UBE2E2: variants seen among roughly 807,000 people sequenced by gnomAD.
The protein encoded by UBE2E2 is ubiquitin-conjugating enzyme E2 E2.
A neutral mutation model predicts 24.7 loss-of-function variants in UBE2E2; 6 were observed. That is an observed-to-expected ratio of 0.24 (90% confidence interval 0.13 to 0.48). The LOEUF is 0.48. Ranked by LOEUF, UBE2E2 falls within the 20% of genes least tolerant of loss-of-function variation. The pLI is 0.99. For synonymous variants in UBE2E2, 104 were observed against 83.6 expected, an observed-to-expected ratio of 1.24 and a Z score of -1.33; for missense variants, 169 against 245.0, an observed-to-expected ratio of 0.69 and a Z score of 2.07.
intron 3 of UBE2E2, chr3:23,323,574 G>A (rs1320536567): frequency 6.6e-6 from 3 of 451,652 alleles, no homozygotes; most frequent in African/African-American, 2.0e-5. Context: ...TTTGGATTTT[G>A]GATGCCCACT....
At chr3:23,445,025 A>T (rs1698395374) in intron 3 of UBE2E2, among the ~76,000 whole-genome samples, 1 of 152,152 alleles carries the variant, frequency 6.6e-6, no homozygotes, top group Non-Finnish European at 1.5e-5. Flanking sequence ...CTCCCATGTA[A>T]TCTTATGCCA....
rs193084521 is a variant in UBE2E2, at chr3:23,277,848, A to C, written c.227+60536A>C. 8.5e-5 allele frequency among the ~76,000 whole-genome samples: 13 copies of C among 152,270 alleles called. 1 individual carries two copies. The highest frequency in any genetic ancestry group is 8.5e-4 in the Admixed American group (13 of 15,300). On this transcript the variant is annotated intron_variant, in intron 3 of 5. Transcript: ENST00000396703. ...ATCCCTATTGAGGATAACAGTCAAT[A>C]GTTAATTACATAAGCTTTGAGGACT...
chr3:23,325,240 A>G (rs990605390), intron 3 of UBE2E2, among the ~76,000 whole-genome samples: 1 of 152,164 alleles, frequency 6.6e-6, no homozygotes, highest in African/African-American at 2.4e-5. Context: ...CCTTTGGGAC[A>G]AGGATTTAGA....
At chr3:23,310,181 C>T in intron 3 of UBE2E2, among the ~76,000 whole-genome samples, 1 of 151,980 alleles carries the variant, frequency 6.6e-6, no homozygotes, top group East Asian at 1.9e-4. Context: ...TCACAGGTGA[C>T]TTGAGACTAC....
intron 5 of UBE2E2, among the ~76,000 whole-genome samples, chr3:23,568,986 C>A (rs911412341): frequency 2.6e-5 from 4 of 151,640 alleles, no homozygotes; most frequent in Admixed American, 6.6e-5. Context: ...TAAATATATA[C>A]CCAAGAGAAA....
chr3:23,240,913 AC>A (rs1462832139), intron 3 of UBE2E2, among the ~76,000 whole-genome samples: 1 of 152,154 alleles, frequency 6.6e-6, no homozygotes, highest in Non-Finnish European at 1.5e-5. Flanking sequence ...TTGATTAGCT[AC>A]TTATATATTA....
chr3:23,517,908 A>G (rs1414354481), intron 4 of UBE2E2, among the ~76,000 whole-genome samples: 1 of 152,186 alleles, frequency 6.6e-6, no homozygotes. Context: ...TATTTAAGAT[A>G]GTACTTCAGA....
chr3:23,549,086 C>G (rs187127402), intron 5 of UBE2E2, among the ~76,000 whole-genome samples: 1 of 152,200 alleles, frequency 6.6e-6, no homozygotes, highest in Non-Finnish European at 1.5e-5. Context: ...CTTTTTTTAA[C>G]CTACTTTGGA....
chr3:23,496,671 A>G (rs750715490), intron 3 of UBE2E2, among the ~76,000 whole-genome samples: 1 of 152,084 alleles, frequency 6.6e-6, no homozygotes, highest in African/African-American at 2.4e-5. Flanking sequence ...GTCAGTAGCC[A>G]TTTGTGTTGT....
At position 23,360,281 on chromosome 3, in the gene UBE2E2, T is replaced by C. The variant is rs192582440; in HGVS notation, c.228-139327T>C. Among the ~76,000 whole-genome samples the C allele has an allele frequency of 1.7e-3, 256 of 152,190 alleles. 1 individual carries two copies. Among genetic ancestry groups the C allele is most frequent in the African/African-American group, 6.0e-3 (247 of 41,512 alleles). ...AAGTGAGTGCTGTAACTTAGAAAAATTCGTTTTAAAAAAGTCAGTGTTAAA... is the reference window on the plus strand; with the variant it reads ...AAGTGAGTGCTGTAACTTAGAAAAACTCGTTTTAAAAAAGTCAGTGTTAAA... On this transcript the variant is annotated intron_variant, in intron 3 of 5. Transcript: ENST00000396703.
chr3:23,511,508 A>G (rs1484247157), intron 4 of UBE2E2, among the ~76,000 whole-genome samples: 3 of 152,334 alleles, frequency 2.0e-5, no homozygotes, highest in Middle Eastern at 3.4e-3. Flanking sequence ...CAGGTGAGTC[A>G]TATGAGCTAG....
chr3:23,543,340 T>A (rs1695439506), intron 5 of UBE2E2, among the ~76,000 whole-genome samples: 1 of 152,122 alleles, frequency 6.6e-6, no homozygotes, highest in African/African-American at 2.4e-5. Flanking sequence ...ACTCCTAGAT[T>A]TGATAAATGA....
chr3:23,353,206 C>A (rs1695818152), intron 3 of UBE2E2, among the ~76,000 whole-genome samples: 1 of 152,140 alleles, frequency 6.6e-6, no homozygotes, highest in South Asian at 2.1e-4. Flanking sequence ...TAAAAACTCT[C>A]AATAAATTAG....
At chr3:23,471,048 A>G (rs914394137) in intron 3 of UBE2E2, among the ~76,000 whole-genome samples, 4 of 152,212 alleles carry the variant, frequency 2.6e-5, no homozygotes, top group African/African-American at 9.6e-5. Flanking sequence ...GGGGTAAAGA[A>G]AGAAAAACAG....
chr3:23,540,217 G>A (rs1258618664), intron 5 of UBE2E2, among the ~76,000 whole-genome samples: 1 of 151,898 alleles, frequency 6.6e-6, no homozygotes, highest in Non-Finnish European at 1.5e-5. Flanking sequence ...AGATAATATT[G>A]TTTTAATACC....
At chr3:23,350,758 G>A (rs1395089439) in intron 3 of UBE2E2, among the ~76,000 whole-genome samples, 2 of 152,224 alleles carry the variant, frequency 1.3e-5, no homozygotes, top group Admixed American at 6.5e-5. Flanking sequence ...ATCTACGTCT[G>A]ATTGGTGTAC....
intron 3 of UBE2E2, among the ~76,000 whole-genome samples, chr3:23,330,277 A>G (rs1488979320): frequency 6.6e-6 from 1 of 152,260 alleles, no homozygotes; most frequent in African/African-American, 2.4e-5. Flanking sequence ...ACTTTCAATT[A>G]CATGAACTCA....
intron 3 of UBE2E2, among the ~76,000 whole-genome samples, chr3:23,371,070 C>T (rs909014410): frequency 3.3e-5 from 5 of 152,132 alleles, no homozygotes; most frequent in African/African-American, 1.2e-4. Flanking sequence ...TGCTCCATTG[C>T]CTAGGCTTGA....
intron 3 of UBE2E2, among the ~76,000 whole-genome samples, chr3:23,451,918 T>C (rs896063755): frequency 7.2e-5 from 11 of 152,214 alleles, no homozygotes; most frequent in Non-Finnish European, 1.6e-4. Flanking sequence ...GATAAATTTT[T>C]ATCATTTTTA....
Sources: allele counts gnomAD v4.1 joint callset (sites outside exome capture counted in the v4.1 genomes callset), GRCh38; gene constraint gnomAD v4.1.1; transcripts MANE v1.5; gene names NCBI Gene and HGNC (gene_info 2026-07-23, HGNC 2026-07-21).